The following ITGA1 variants were observed in gnomAD, a reference collection of about 807,000 sequenced individuals.
ITGA1 encodes integrin alpha-1.
ITGA1 carries 85 observed loss-of-function variants against 145.9 expected under a neutral mutation model. That is an observed-to-expected ratio of 0.58 (90% CI 0.49 to 0.70). The LOEUF is 0.70. Among genes scored for constraint, ITGA1 ranks in the 30% least tolerant of loss-of-function variants. The pLI, the probability that ITGA1 is intolerant of heterozygous loss-of-function variation, is 0.00. For missense variants in ITGA1, 1,351 were observed against 1,418.7 expected, an observed-to-expected ratio of 0.95 and a Z score of 0.77; for synonymous variants, 520 against 495.3, an observed-to-expected ratio of 1.05 and a Z score of -0.66.
intron 6 of ITGA1, among the ~76,000 whole-genome samples, chr5:52,874,921 T>G (rs1423939627): frequency 6.6e-6 from 1 of 152,186 alleles, no homozygotes; most frequent in African/African-American, 2.4e-5. Flanking sequence ...TTTCCCAGTC[T>G]GAGGTGTTGA....
At chr5:52,845,184 G>T (rs1372888374) in intron 1 of ITGA1, among the ~76,000 whole-genome samples, 1 of 152,116 alleles carries the variant, frequency 6.6e-6, no homozygotes, top group African/African-American at 2.4e-5. Flanking sequence ...TGAGGAGGGG[G>T]TACCACAAAT....
At chr5:52,837,441 T>G (rs1274217743) in intron 1 of ITGA1, among the ~76,000 whole-genome samples, 1 of 152,180 alleles carries the variant, frequency 6.6e-6, no homozygotes, top group East Asian at 1.9e-4. Flanking sequence ...ATGTCAGAAG[T>G]GGAAAGTTAG....
At chr5:52,824,773 A>G (rs756413623) in intron 1 of ITGA1, 3 of 152,232 alleles carry the variant, frequency 2.0e-5, no homozygotes, top group Non-Finnish European at 2.9e-5. Flanking sequence ...TAAAGACAGA[A>G]GATCCTTTAA....
chr5:52,850,009 T>TTA (rs1749403935), intron 2 of ITGA1, among the ~76,000 whole-genome samples: 1 of 151,506 alleles, frequency 6.6e-6, no homozygotes, highest in Admixed American at 6.6e-5. Context: ...AGGATTTTTT[T>TTA]TTTTTTTTTC....
intron 1 of ITGA1, chr5:52,803,092 A>G (rs902924609): frequency 2.6e-5 from 4 of 152,156 alleles, no homozygotes; most frequent in South Asian, 2.1e-4. Context: ...AGCGACGCCT[A>G]TTTCAAGTAG....
chr5:52,812,712 A>C (rs2111687979), intron 1 of ITGA1, among the ~76,000 whole-genome samples: 1 of 152,196 alleles, frequency 6.6e-6, no homozygotes, highest in South Asian at 2.1e-4. Context: ...GTTGCAAGGA[A>C]TAAATGATAT....
chr5:52,884,447 T>TAA lies in ITGA1; in HGVS notation c.773+2440_773+2441dup, dbSNP rs72022536. Among the ~76,000 whole-genome samples, 813 of 136,728 alleles carry TAA rather than the reference T, an allele frequency of 5.9e-3. 9 individuals are homozygous for TAA. Among genetic ancestry groups the TAA allele is most frequent in the South Asian group, 0.037 (158 of 4,326 alleles). The allele number at this position is 136,728 out of a possible 152,430, so 89.7% of individuals were successfully genotyped here. Reference sequence around the variant, plus strand: ...GGGCAACAAGAGCAAAACTCTGCCTTAAAAAAAAAAAAAAAGCCAGAAAAT... The same window carrying TAA: ...GGGCAACAAGAGCAAAACTCTGCCTTAAAAAAAAAAAAAAAAAGCCAGAAAAT... On this transcript the variant is annotated intron_variant, in intron 7 of 28. Transcript: ENST00000282588.
chr5:52,843,143 CTA>C (rs1561224784), intron 1 of ITGA1, among the ~76,000 whole-genome samples: 1 of 152,118 alleles, frequency 6.6e-6, no homozygotes, highest in African/African-American at 2.4e-5. Context: ...CCAGGGATCA[CTA>C]TCTTTCTATA....
At chr5:52,805,066 A>C (rs545557101) in intron 1 of ITGA1, among the ~76,000 whole-genome samples, 2 of 152,280 alleles carry the variant, frequency 1.3e-5, no homozygotes, top group Admixed American at 1.3e-4. Context: ...TAACTTGTAC[A>C]AAGTGTGTAA....
intron 6 of ITGA1, among the ~76,000 whole-genome samples, chr5:52,867,579 C>A (rs1392588199): frequency 6.6e-6 from 1 of 152,040 alleles, no homozygotes; most frequent in Non-Finnish European, 1.5e-5. Flanking sequence ...TTCCTTCTGG[C>A]ACCTGTTCCT....
chr5:52,806,151 T>C (rs1324169794), intron 1 of ITGA1, among the ~76,000 whole-genome samples: 1 of 152,014 alleles, frequency 6.6e-6, no homozygotes, highest in Non-Finnish European at 1.5e-5. Flanking sequence ...AGAAAAGTGC[T>C]CTTCAAGATT....
intron 22 of ITGA1, 188 bp downstream of exon 22, chr5:52,932,324 C>T (rs1750904788): frequency 9.3e-6 from 5 of 539,080 alleles, no homozygotes; most frequent in Admixed American, 3.4e-5. Context: ...CCAGGTAATT[C>T]TCATGCATCC....
Position 52,942,621 on chromosome 5 carries a change from C to T in ITGA1, c.3286-2322C>T, listed in dbSNP as rs529631015. On this transcript the variant is annotated intron_variant, in intron 26 of 28. Coordinates refer to ENST00000282588, the MANE Select transcript of ITGA1 (RefSeq NM_181501.2). The stretch of plus-strand genomic sequence containing the variant: ...CCTTGGCTCACTGCAAGCTCCGCCT[C>T]CCGGGTTCACGCCATTCTCTTGACT... Among the ~76,000 whole-genome samples the T allele has an allele frequency of 3.8e-3, 573 of 151,650 alleles. 1 individual carries two copies. Among genetic ancestry groups the T allele is most frequent in the Non-Finnish European group, 6.4e-3 (437 of 67,904 alleles).
At chr5:52,848,330 T>C (rs1486050331) in intron 1 of ITGA1, among the ~76,000 whole-genome samples, 1 of 152,216 alleles carries the variant, frequency 6.6e-6, no homozygotes, top group African/African-American at 2.4e-5. Context: ...TTCTCTGTAG[T>C]TGAAATGGGA....
In ITGA1 at chr5:52,911,534, T is replaced by G. The variant is rs62651795; in HGVS notation, c.1857+1115T>G. On this transcript the variant is annotated intron_variant, in intron 14 of 28. Coordinates refer to ENST00000282588, the MANE Select transcript of ITGA1 (RefSeq NM_181501.2). ...TATATATAGTATATATATCTATATATTAGATACATATACTATATATAGTGT... is the reference window on the plus strand; with the variant it reads ...TATATATAGTATATATATCTATATAGTAGATACATATACTATATATAGTGT... Among the ~76,000 whole-genome samples the G allele has an allele frequency of 2.8e-4, 27 of 97,456 alleles. 2 individuals are homozygous for G. Among genetic ancestry groups the G allele is most frequent in the Non-Finnish European group, 2.6e-4 (13 of 50,576 alleles). The allele number at this position is 97,456 out of a possible 152,430, so 63.9% of individuals were successfully genotyped here.
At chr5:52,807,554 A>C (rs1279191846) in intron 1 of ITGA1, among the ~76,000 whole-genome samples, 1 of 152,202 alleles carries the variant, frequency 6.6e-6, no homozygotes, top group Non-Finnish European at 1.5e-5. Context: ...GTAGGCAAAC[A>C]TGTATCTAAA....
chr5:52,856,680 CAGAGAGAGAGAGAG>C (rs137879951), intron 2 of ITGA1, among the ~76,000 whole-genome samples: 32 of 148,312 alleles, frequency 2.2e-4, no homozygotes, highest in African/African-American at 6.4e-4. Flanking sequence ...GAAAAAGAGA[CAGAGAGAGAGAGAG>C]AGAGAGAGAG....
chr5:52,943,075 C>A (rs1466050935), intron 26 of ITGA1, among the ~76,000 whole-genome samples: 1 of 152,072 alleles, frequency 6.6e-6, no homozygotes, highest in Non-Finnish European at 1.5e-5. Context: ...CTTTATCTTG[C>A]CTTATTGCTC....
At chr5:52,887,000 A>C (rs1750062789) in intron 7 of ITGA1, among the ~76,000 whole-genome samples, 1 of 152,014 alleles carries the variant, frequency 6.6e-6, no homozygotes, top group Admixed American at 6.5e-5. Flanking sequence ...GATAGTCTCG[A>C]TCTCTTGACC....
Sources: gnomAD v4.1 joint callset for allele counts (sites outside exome capture counted in the v4.1 genomes callset) on GRCh38, gnomAD v4.1.1 for gene constraint, MANE v1.5 for transcripts, NCBI Gene and HGNC (gene_info 2026-07-23, HGNC 2026-07-21) for gene names.